The following PTK2 variants were observed in gnomAD, a reference collection of about 807,000 sequenced individuals.
The protein encoded by PTK2 is focal adhesion kinase 1.
In PTK2, 45 loss-of-function variants were observed where a neutral mutation model predicts 150.1. The observed-to-expected ratio is 0.30, with a 90% CI of 0.24 to 0.38. PTK2 has a LOEUF of 0.38. PTK2 is among the 10% of genes least tolerant of loss of function. The pLI is 1.00. For missense variants in PTK2, 919 were observed against 1,307.3 expected (o/e 0.70, Z 4.58); for synonymous variants, 432 against 449.2 (o/e 0.96, Z 0.48).
At chr8:140,982,061 CA>C (rs1490025145) in intron 1 of PTK2, among the ~76,000 whole-genome samples, 1 of 44,992 alleles carries the variant, frequency 2.2e-5, no homozygotes, top group African/African-American at 5.3e-5. Context: ...TTCACCAACT[CA>C]ATAAAAAAAA....
At chr8:140,729,118 G>C (rs1441690016) in intron 22 of PTK2, among the ~76,000 whole-genome samples, 1 of 152,062 alleles carries the variant, frequency 6.6e-6, no homozygotes. Context: ...GCTGAGCTAA[G>C]CTATAACCCT....
chr8:140,681,602 A>G (rs368508704), intron 27 of PTK2, among the ~76,000 whole-genome samples: 1 of 151,886 alleles, frequency 6.6e-6, no homozygotes, highest in East Asian at 1.9e-4. Flanking sequence ...ACAGTGAAAC[A>G]CCGTCTCTAC....
At chr8:140,767,502 T>C (rs959883878) in intron 14 of PTK2, among the ~76,000 whole-genome samples, 1 of 152,190 alleles carries the variant, frequency 6.6e-6, no homozygotes, top group Admixed American at 6.5e-5. Context: ...CCTTTTTTTT[T>C]GAAGACAGGT....
intron 1 of PTK2, among the ~76,000 whole-genome samples, chr8:140,966,111 G>A (rs552129714): frequency 1.3e-5 from 2 of 152,146 alleles, no homozygotes; most frequent in Non-Finnish European, 2.9e-5. Context: ...TGACACTCTT[G>A]GAACTGGCTT....
intron 1 of PTK2, among the ~76,000 whole-genome samples, chr8:140,988,467 T>C (rs1236372327): frequency 6.6e-6 from 1 of 152,094 alleles, no homozygotes; most frequent in East Asian, 1.9e-4. Flanking sequence ...TGGTGGCTCA[T>C]GCCTGTAATC....
chr8:140,661,893 T>C lies in PTK2; in HGVS notation c.2947-2215A>G, dbSNP rs188265780. On this transcript the variant is annotated intron_variant, in intron 31 of 31. Transcript: ENST00000522684. ...TGAGTGCAGCTGCCATGTGAGGAGG[T>C]GGCCCCATCAGGGATGGGCTGCTCT... Among the ~76,000 whole-genome samples the C allele has an allele frequency of 1.6e-3, 236 of 152,200 alleles. 1 individual carries two copies. The highest frequency in any genetic ancestry group is 5.4e-3 in the African/African-American group (226 of 41,510).
rs538993833 is a variant in PTK2 at position 140,981,257 on chromosome 8, A to G, written c.-122+19868T>C. On this transcript the variant is annotated intron_variant, in intron 1 of 31. Transcript: ENST00000522684. ...AGAAACTAAAAAGTAAGTAAAATAC[A>G]AACAGTAACAGATGGTGAAAAGGGC... Among the ~76,000 whole-genome samples, 12 of 152,268 alleles carry G rather than the reference A, an allele frequency of 7.9e-5. No individual in the cohort carries two copies. In the South Asian group the frequency reaches 2.3e-3, roughly 29 times the overall value.
chr8:140,689,445 A>G (rs372681925), intron 26 of PTK2, among the ~76,000 whole-genome samples: 4 of 152,244 alleles, frequency 2.6e-5, no homozygotes, highest in East Asian at 1.9e-4. Flanking sequence ...AAGAGATGTG[A>G]TAACTAAATA....
At chr8:140,795,800 C>T (rs1434354531) in intron 12 of PTK2, among the ~76,000 whole-genome samples, 1 of 152,184 alleles carries the variant, frequency 6.6e-6, no homozygotes, top group East Asian at 1.9e-4. Context: ...TATTACTCGT[C>T]ACTATTCCCT....
intron 16 of PTK2, among the ~76,000 whole-genome samples, chr8:140,755,422 T>C (rs1384174536): frequency 6.6e-6 from 1 of 152,168 alleles, no homozygotes; most frequent in Non-Finnish European, 1.5e-5. Context: ...CCTATCCCTC[T>C]ACTCCGCGGC....
At chr8:140,793,256 T>G (rs1386779889) in intron 13 of PTK2, 98 bp downstream of exon 13, 1 of 1,354,414 alleles carries the variant, frequency 7.4e-7, no homozygotes, top group East Asian at 2.5e-5. Context: ...TCATGTATAT[T>G]GAATTTAATT....
intron 1 of PTK2, among the ~76,000 whole-genome samples, chr8:140,962,879 C>G (rs528116682): frequency 4.0e-5 from 6 of 151,842 alleles, no homozygotes; most frequent in Admixed American, 2.0e-4. Context: ...TAGGTCCCCC[C>G]CCCCAACCCA....
At chr8:140,744,040 G>T (rs2100057262) in intron 19 of PTK2, among the ~76,000 whole-genome samples, 1 of 148,864 alleles carries the variant, frequency 6.7e-6, no homozygotes, top group Non-Finnish European at 1.5e-5. Flanking sequence ...GCCTCCCAAA[G>T]TGCTGGGACT....
At chr8:140,684,613 C>T (rs1341599123) in intron 27 of PTK2, among the ~76,000 whole-genome samples, 2 of 152,200 alleles carry the variant, frequency 1.3e-5, no homozygotes, top group African/African-American at 2.4e-5. Flanking sequence ...CCATTTACAA[C>T]AGCCACACAC....
At chr8:140,872,555 G>A (rs1223224314) in intron 4 of PTK2, among the ~76,000 whole-genome samples, 5 of 152,196 alleles carry the variant, frequency 3.3e-5, no homozygotes, top group Admixed American at 1.3e-4. Context: ...CTGGGGAAGC[G>A]CTGGGGACAG....
chr8:140,903,838 T>C (rs552301533), intron 2 of PTK2, among the ~76,000 whole-genome samples: 4 of 152,314 alleles, frequency 2.6e-5, no homozygotes, highest in South Asian at 4.1e-4. Context: ...TTTTTGCACA[T>C]TGATTTTGAA....
chr8:140,700,929 C>G (rs1315872596), exon 26 of PTK2: 2 of 1,614,046 alleles, frequency 1.2e-6, no homozygotes, highest in East Asian at 2.2e-5. Flanking sequence ...CGCTGATCTT[C>G]TTCCATTTCC....
At position 140,701,037 on chromosome 8, in the gene PTK2, G is replaced by A; in HGVS notation, c.2368-15C>T. The A allele has an allele frequency of 6.2e-7, 1 of 1,611,872 alleles. No individual in the cohort carries two copies. The highest frequency in any genetic ancestry group is 8.5e-7 in the Non-Finnish European group (1 of 1,178,900). Reference sequence around the variant, plus strand: ...ACTGTAGAGTCCTGGAAGAAGGGTTGAAAACAGCATATTCAGTCTCATAAG... The same window carrying A: ...ACTGTAGAGTCCTGGAAGAAGGGTTAAAAACAGCATATTCAGTCTCATAAG... On this transcript the variant is annotated splice_polypyrimidine_tract_variant and intron_variant, in intron 25 of 31. Transcript: ENST00000522684.
intron 1 of PTK2, among the ~76,000 whole-genome samples, chr8:140,971,585 T>C (rs1393103797): frequency 6.6e-6 from 1 of 152,228 alleles, no homozygotes; most frequent in Non-Finnish European, 1.5e-5. Context: ...TTCTACAGAC[T>C]TGATGTTTCT....
Sources: gnomAD v4.1 joint callset for allele counts (sites outside exome capture counted in the v4.1 genomes callset) on GRCh38, gnomAD v4.1.1 for gene constraint, MANE v1.5 for transcripts, NCBI Gene and HGNC (gene_info 2026-07-23, HGNC 2026-07-21) for gene names.